The following CLYBL variants were observed in gnomAD, a reference collection of about 807,000 sequenced individuals.
CLYBL encodes the protein citramalyl-CoA lyase, also known as citramalyl-CoA lyase, mitochondrial.
Under a neutral mutation model 38.9 loss-of-function variants are expected in CLYBL, and 31 were observed. The observed-to-expected ratio is 0.80, with a 90% confidence interval of 0.60 to 1.08. The LOEUF (loss-of-function observed/expected upper bound fraction) is 1.08. Ranked by LOEUF, CLYBL falls within the 50% of genes least tolerant of loss-of-function variation. CLYBL has a pLI of 0.00. For missense variants in CLYBL, 434 were observed against 411.6 expected, an observed-to-expected ratio of 1.05 and a Z score of -0.47; for synonymous variants, 171 against 158.6, an observed-to-expected ratio of 1.08 and a Z score of -0.59.
rs1006789826 is a variant in CLYBL, at chr13:99,672,906, A to G, written c.62+66149A>G. Among the ~76,000 whole-genome samples the G allele has an allele frequency of 2.6e-5, 4 of 152,208 alleles. No homozygotes were observed. The East Asian group carries it at 7.7e-4, about 29-fold the overall frequency. On this transcript the variant is annotated intron_variant, in intron 1 of 8. Transcript: ENST00000339105. ...CCATTAGCCAGATGATGGCAGGGGAAGGGCGCATGGGATCTTCAGCAGTCC... is the reference window on the plus strand; with the variant it reads ...CCATTAGCCAGATGATGGCAGGGGAGGGGCGCATGGGATCTTCAGCAGTCC...
chr13:99,758,350 T>G (rs1246998634), intron 1 of CLYBL, among the ~76,000 whole-genome samples: 1 of 152,200 alleles, frequency 6.6e-6, no homozygotes, highest in African/African-American at 2.4e-5. Flanking sequence ...AAGGTCCCTC[T>G]TTAGAGAGAA....
downstream of CLYBL, among the ~76,000 whole-genome samples, chr13:99,900,020 G>A (rs373635904): frequency 2.6e-5 from 4 of 152,112 alleles, no homozygotes; most frequent in East Asian, 5.8e-4. Flanking sequence ...TCTGCCTCCT[G>A]GGTTCAAGCA....
chr13:99,607,303 CA>C (rs5806131), intron 1 of CLYBL, among the ~76,000 whole-genome samples: 31 of 151,212 alleles, frequency 2.1e-4, no homozygotes, highest in Admixed American at 1.8e-3. Flanking sequence ...CATAACTTCT[CA>C]AAAAAAAAGT....
intron 1 of CLYBL, among the ~76,000 whole-genome samples, chr13:99,652,535 C>G (rs1051076298): frequency 7.2e-5 from 11 of 152,134 alleles, no homozygotes; most frequent in Non-Finnish European, 1.5e-5. Flanking sequence ...TAGTGAGACC[C>G]TATCTCAATT....
chr13:99,906,737 A>G (rs2052702371), intron 9 of CLYBL, among the ~76,000 whole-genome samples: 1 of 152,158 alleles, frequency 6.6e-6, no homozygotes. Flanking sequence ...AGTTCTTATT[A>G]TTACAAGATG....
At chr13:99,793,060 A>G (rs1447692451) in intron 2 of CLYBL, among the ~76,000 whole-genome samples, 1 of 151,348 alleles carries the variant, frequency 6.6e-6, no homozygotes, top group Admixed American at 6.6e-5. Context: ...ACACACACAC[A>G]CACACACAAA....
chr13:99,768,255 T>G (rs573204711), intron 1 of CLYBL, among the ~76,000 whole-genome samples: 36 of 131,290 alleles, frequency 2.7e-4, no homozygotes, highest in Middle Eastern at 5.5e-3. Context: ...GTGCAAACGG[T>G]GCTATCTCAG....
At chr13:99,688,576 T>A (rs956885022) in intron 1 of CLYBL, among the ~76,000 whole-genome samples, 11 of 152,150 alleles carry the variant, frequency 7.2e-5, no homozygotes, top group African/African-American at 2.7e-4. Flanking sequence ...TATTACTTAT[T>A]TGGCTTTTCT....
intron 1 of CLYBL, among the ~76,000 whole-genome samples, chr13:99,737,867 C>T (rs760238215): frequency 1.3e-5 from 2 of 152,146 alleles, no homozygotes; most frequent in Admixed American, 1.3e-4. Flanking sequence ...CTACTGTGCG[C>T]GTCAATTTTT....
chr13:99,693,441 G>T (rs986814027), intron 1 of CLYBL, among the ~76,000 whole-genome samples: 1 of 151,746 alleles, frequency 6.6e-6, no homozygotes, highest in African/African-American at 2.4e-5. Context: ...AGGAATGGAG[G>T]CAGCTCGGTA....
chr13:99,836,041 T>A (rs2050927004), intron 2 of CLYBL, among the ~76,000 whole-genome samples: 1 of 152,158 alleles, frequency 6.6e-6, no homozygotes, highest in African/African-American at 2.4e-5. Flanking sequence ...GAGTTCGGGA[T>A]GAGGCAATTT....
chr13:99,667,821 C>T (rs2047505592), intron 1 of CLYBL, among the ~76,000 whole-genome samples: 1 of 152,134 alleles, frequency 6.6e-6, no homozygotes, highest in African/African-American at 2.4e-5. Flanking sequence ...TTCTACTATT[C>T]CAATTGGCAA....
chr13:99,872,037 C>T (rs1489287357), intron 7 of CLYBL, among the ~76,000 whole-genome samples: 2 of 151,724 alleles, frequency 1.3e-5, no homozygotes, highest in Non-Finnish European at 2.9e-5. Flanking sequence ...TAGTGGTGAC[C>T]CTGAACCTGT....
chr13:99,753,136 G>T (rs1035850320), intron 1 of CLYBL, among the ~76,000 whole-genome samples: 2 of 152,140 alleles, frequency 1.3e-5, no homozygotes, highest in Non-Finnish European at 2.9e-5. Flanking sequence ...GTCCCGAGGT[G>T]AGCAGGAAGA....
intron 7 of CLYBL, among the ~76,000 whole-genome samples, chr13:99,874,070 T>C (rs1204948612): frequency 1.3e-5 from 2 of 152,212 alleles, no homozygotes; most frequent in African/African-American, 4.8e-5. Flanking sequence ...AAAATTTTGC[T>C]TGGCACCGTA....
intron 8 of CLYBL, among the ~76,000 whole-genome samples, chr13:99,903,036 A>G (rs1378074608): frequency 6.6e-6 from 1 of 152,208 alleles, no homozygotes; most frequent in East Asian, 1.9e-4. Flanking sequence ...CTATCAATGG[A>G]CGGGTTTCAA....
intron 2 of CLYBL, among the ~76,000 whole-genome samples, chr13:99,800,404 G>A (rs898465239): frequency 2.0e-5 from 3 of 152,176 alleles, no homozygotes; most frequent in African/African-American, 4.8e-5. Flanking sequence ...AGGCTGATAT[G>A]TCCAGGCCCC....
chr13:99,673,146 G>T (rs942562091), intron 1 of CLYBL, among the ~76,000 whole-genome samples: 2 of 152,164 alleles, frequency 1.3e-5, no homozygotes, highest in Non-Finnish European at 2.9e-5. Context: ...AGGCATGGTA[G>T]CTTAGCCTGT....
chr13:99,794,826 A>G (rs950286629), intron 2 of CLYBL, among the ~76,000 whole-genome samples: 2 of 152,194 alleles, frequency 1.3e-5, no homozygotes, highest in South Asian at 2.1e-4. Context: ...TCCTGACCTC[A>G]GGTGATCCAT....
Sources: gnomAD v4.1 joint callset for allele counts (sites outside exome capture counted in the v4.1 genomes callset) on GRCh38, gnomAD v4.1.1 for gene constraint, MANE v1.5 for transcripts, NCBI Gene and HGNC (gene_info 2026-07-23, HGNC 2026-07-21) for gene names.